The following FOXN2 variants were observed in gnomAD, a reference collection of about 807,000 sequenced individuals.
FOXN2 encodes forkhead box protein N2.
FOXN2 carries 19 observed loss-of-function variants against 41.2 expected under a neutral mutation model. The ratio of observed to expected loss-of-function variants is 0.46; its 90% CI spans 0.32 to 0.68. The LOEUF is 0.68. FOXN2 is among the 30% of genes least tolerant of loss of function. FOXN2 has a pLI of 0.03. For missense variants in FOXN2, 587 were observed against 509.4 expected (o/e 1.15, Z -1.47); for synonymous variants, 195 against 176.8 (o/e 1.10, Z -0.82).
At chr2:48,373,006 G>C (rs997403753) in intron 5 of FOXN2, among the ~76,000 whole-genome samples, 2 of 151,142 alleles carry the variant, frequency 1.3e-5, no homozygotes, top group Non-Finnish European at 2.9e-5. Context: ...TACAGTTTAA[G>C]TTTTCGTTTT....
At chr2:48,328,396 A>G (rs1026317283) in intron 1 of FOXN2, among the ~76,000 whole-genome samples, 165 bp from the exon 2 acceptor site, 1 of 152,226 alleles carries the variant, frequency 6.6e-6, no homozygotes, top group Admixed American at 6.5e-5. Context: ...CATATACTGT[A>G]CTTTAAGTCT....
At chr2:48,339,950 T>TG (rs1670631988) in intron 2 of FOXN2, among the ~76,000 whole-genome samples, 1 of 152,214 alleles carries the variant, frequency 6.6e-6, no homozygotes, top group South Asian at 2.1e-4. Flanking sequence ...AATGAATTAC[T>TG]GCTACAATAA....
chr2:48,345,189 GT>G, intron 2 of FOXN2, among the ~76,000 whole-genome samples: 1 of 152,328 alleles, frequency 6.6e-6, no homozygotes, highest in South Asian at 2.1e-4. Flanking sequence ...AGAATGCAGA[GT>G]TTAAAAGTAC....
At chr2:48,373,234 C>A (rs1460211746) in intron 5 of FOXN2, 58 bp from the exon 6 acceptor site, 1 of 1,256,902 alleles carries the variant, frequency 8.0e-7, no homozygotes, top group East Asian at 2.4e-5. Context: ...CATGCAAATA[C>A]TTAGAATAGC....
At chr2:48,361,696 G>A (rs965324814) in intron 4 of FOXN2, among the ~76,000 whole-genome samples, 9 of 151,992 alleles carry the variant, frequency 5.9e-5, no homozygotes, top group African/African-American at 1.9e-4. Flanking sequence ...TTTTAAGTTC[G>A]TTAACAAATA....
intron 3 of FOXN2, among the ~76,000 whole-genome samples, chr2:48,349,475 C>G (rs191790050): frequency 3.2e-4 from 48 of 151,910 alleles, no homozygotes; most frequent in Non-Finnish European, 5.6e-4. Context: ...GAGACCCTGT[C>G]TCAAAATAAA....
At chr2:48,373,608 CAA>C (rs1458174298) in intron 6 of FOXN2, among the ~76,000 whole-genome samples, 1 of 151,192 alleles carries the variant, frequency 6.6e-6, no homozygotes, top group Non-Finnish European at 1.5e-5. Flanking sequence ...AAAATGAACT[CAA>C]AGAGCTAAAA....
chr2:48,337,368 GC>G (rs771153176), intron 2 of FOXN2, among the ~76,000 whole-genome samples: 17 of 150,678 alleles, frequency 1.1e-4, no homozygotes, highest in Non-Finnish European at 2.1e-4. Flanking sequence ...TGTGATCTCA[GC>G]TCGCTGTAAC....
intron 5 of FOXN2, among the ~76,000 whole-genome samples, chr2:48,363,058 A>G (rs2104477630): frequency 6.6e-6 from 1 of 152,310 alleles, no homozygotes; most frequent in East Asian, 1.9e-4. Context: ...AAAAAAAGTT[A>G]ACTGTAAAAG....
intron 1 of FOXN2, among the ~76,000 whole-genome samples, chr2:48,319,100 T>G (rs141689590): frequency 1.6e-4 from 24 of 152,270 alleles, no homozygotes; most frequent in African/African-American, 5.8e-4. Flanking sequence ...AAGAAAATTC[T>G]TGCCTTCTTG....
intron 6 of FOXN2, among the ~76,000 whole-genome samples, chr2:48,374,319 C>G (rs1262245321): frequency 2.6e-5 from 4 of 151,914 alleles, no homozygotes; most frequent in Non-Finnish European, 5.9e-5. Flanking sequence ...GCTAGAAATT[C>G]GGGAAACACA....
At position 48,376,924 on chromosome 2, in the gene FOXN2, T is replaced by C. The variant is rs1206134897; in HGVS notation, c.*1481T>C. 6.6e-6 allele frequency: 1 copy of C among 152,500 alleles called. No individual in the cohort carries two copies. Among genetic ancestry groups the C allele is most frequent in the Non-Finnish European group, 1.5e-5 (1 of 67,924 alleles). The allele number at this position is 152,500 out of a possible 1,614,324, so 9.4% of individuals were successfully genotyped here. A position where few individuals can be genotyped will look rare whatever the true frequency, so the allele number is the denominator to read the frequency against. ...CATATGCACAGTCAAGGTCATGATG[T>C]TGATTTGCTTTCAGCTGTTTCTGTG... On this transcript the variant is annotated 3_prime_UTR_variant, in exon 7 of 7. Transcript: ENST00000340553.
At chr2:48,370,092 C>T (rs971753831) in intron 5 of FOXN2, among the ~76,000 whole-genome samples, 1 of 152,058 alleles carries the variant, frequency 6.6e-6, no homozygotes, top group Admixed American at 6.5e-5. Context: ...GCAAGTTGTG[C>T]CCTCTGCAAG....
At chr2:48,357,046 A>G (rs1025833424) in intron 3 of FOXN2, among the ~76,000 whole-genome samples, 6 of 152,216 alleles carry the variant, frequency 3.9e-5, no homozygotes, top group African/African-American at 1.4e-4. Context: ...AATTAGTTAC[A>G]AATAAGTTTC....
At chr2:48,373,856 A>G (rs1057031923) in intron 6 of FOXN2, among the ~76,000 whole-genome samples, 24 of 152,254 alleles carry the variant, frequency 1.6e-4, no homozygotes, top group Admixed American at 3.9e-4. Flanking sequence ...GGAGTTCCAG[A>G]TCAGCCTGGG....
At chr2:48,363,725 AT>A (rs1445743520) in intron 5 of FOXN2, among the ~76,000 whole-genome samples, 2 of 152,196 alleles carry the variant, frequency 1.3e-5, no homozygotes, top group Non-Finnish European at 2.9e-5. Context: ...CACAAATACC[AT>A]TTGTGATACA....
At chr2:48,372,838 T>TA (rs1672998151) in intron 5 of FOXN2, among the ~76,000 whole-genome samples, 1 of 152,090 alleles carries the variant, frequency 6.6e-6, no homozygotes, top group African/African-American at 2.4e-5. Flanking sequence ...TACATATTTT[T>TA]ATCTCCTGTA....
chr2:48,336,445 G>T (rs1024928001), intron 2 of FOXN2, among the ~76,000 whole-genome samples: 1 of 147,776 alleles, frequency 6.8e-6, no homozygotes, highest in East Asian at 1.9e-4. Context: ...ATGTGTGTGT[G>T]TGTGTGTGTG....
At chr2:48,372,918 A>T (rs1673003860) in intron 5 of FOXN2, among the ~76,000 whole-genome samples, 1 of 148,152 alleles carries the variant, frequency 6.7e-6, no homozygotes, top group South Asian at 2.2e-4. Flanking sequence ...TTCAAGTAAA[A>T]ATGCAAAAAA....
Sources: gnomAD v4.1 joint callset for allele counts (sites outside exome capture counted in the v4.1 genomes callset) on GRCh38, gnomAD v4.1.1 for gene constraint, MANE v1.5 for transcripts, NCBI Gene and HGNC (gene_info 2026-07-23, HGNC 2026-07-21) for gene names.